Variants in RNF170 observed in about 807,000 individuals in gnomAD.
The protein encoded by RNF170 is ring finger protein 170.
In RNF170, 12 loss-of-function variants were observed where a neutral mutation model predicts 32.7. The observed-to-expected ratio is 0.37, with a 90% CI of 0.24 to 0.60. The LOEUF is 0.60. Ranked by LOEUF, RNF170 falls within the 20% of genes least tolerant of loss-of-function variation. RNF170 has a pLI of 0.72. For synonymous variants in RNF170, 91 were observed against 103.6 expected, an observed-to-expected ratio of 0.88 and a Z score of 0.74; for missense variants, 212 against 311.2, an observed-to-expected ratio of 0.68 and a Z score of 2.40.
At chr8:42,858,618 C>A (rs1301955558) in intron 6 of RNF170, among the ~76,000 whole-genome samples, 1 of 152,176 alleles carries the variant, frequency 6.6e-6, no homozygotes, top group Non-Finnish European at 1.5e-5. Flanking sequence ...GAGGGCGCCA[C>A]AGAGCAGGGA....
chr8:42,850,616 G>A (rs1802916901), downstream of RNF170: 4 of 748,352 alleles, frequency 5.3e-6, no homozygotes, highest in South Asian at 5.3e-5. Flanking sequence ...TTTTCATAGA[G>A]CTTGTGTTCT....
At chr8:42,874,944 G>A (rs561084962) in intron 2 of RNF170, among the ~76,000 whole-genome samples, 5 of 152,154 alleles carry the variant, frequency 3.3e-5, no homozygotes, top group Admixed American at 6.5e-5. Context: ...GGCCGAGGCC[G>A]GTGGATCACC....
chr8:42,858,426 C>T (rs1424547954), intron 6 of RNF170, among the ~76,000 whole-genome samples: 1 of 152,156 alleles, frequency 6.6e-6, no homozygotes, highest in East Asian at 1.9e-4. Flanking sequence ...CAATTCTTAT[C>T]TTAACAGTAA....
intron 1 of RNF170, among the ~76,000 whole-genome samples, chr8:42,890,504 C>T (rs1001022222): frequency 2.6e-5 from 4 of 151,982 alleles, no homozygotes; most frequent in Admixed American, 6.6e-5. Flanking sequence ...GTCTTGATCT[C>T]CTGACCTCGT....
downstream of RNF170, among the ~76,000 whole-genome samples, chr8:42,851,688 C>T (rs549933757): frequency 2.0e-5 from 3 of 152,278 alleles, no homozygotes; most frequent in Admixed American, 2.0e-4. Context: ...TCAGGCTGGA[C>T]TGCAGTGGTG....
chr8:42,891,990 A>C (rs941423688), intron 1 of RNF170, among the ~76,000 whole-genome samples: 1 of 152,144 alleles, frequency 6.6e-6, no homozygotes, highest in African/African-American at 2.4e-5. Flanking sequence ...TCGATATGCA[A>C]ACTGAGCTTC....
chr8:42,861,328 A>AT (rs958635111), intron 6 of RNF170: 241 of 155,352 alleles, frequency 1.6e-3, no homozygotes, highest in East Asian at 6.2e-3. Flanking sequence ...ATATAATGAG[A>AT]TTTTTTTTTT....
At chr8:42,895,053 CTT>C (rs558955488) in intron 1 of RNF170, among the ~76,000 whole-genome samples, 2 of 151,962 alleles carry the variant, frequency 1.3e-5, no homozygotes, top group Admixed American at 1.3e-4. Flanking sequence ...GTGGCTCACA[CTT>C]TTGATCCCAG....
intron 2 of RNF170, among the ~76,000 whole-genome samples, chr8:42,874,463 G>A (rs1038070897): frequency 1.2e-4 from 19 of 152,160 alleles, no homozygotes; most frequent in South Asian, 2.1e-4. Context: ...AAACTTGGCC[G>A]AGTGTGGTGG....
intron 3 of RNF170, among the ~76,000 whole-genome samples, chr8:42,873,692 A>C (rs933483690): frequency 6.6e-6 from 1 of 152,240 alleles, no homozygotes; most frequent in African/African-American, 2.4e-5. Flanking sequence ...AATAAATAAT[A>C]GGAAAACTGC....
At chr8:42,877,246 ATC>A (rs1805023471) in intron 2 of RNF170, among the ~76,000 whole-genome samples, 1 of 144,108 alleles carries the variant, frequency 6.9e-6, no homozygotes. Context: ...TTTGAGACAG[ATC>A]TCACTCTGTT....
chr8:42,888,775 C>A (rs914975696), intron 1 of RNF170, among the ~76,000 whole-genome samples: 1 of 148,814 alleles, frequency 6.7e-6, no homozygotes, highest in African/African-American at 2.5e-5. Flanking sequence ...CCCAACCTCC[C>A]CACCCCCCAA....
In RNF170 at chr8:42,855,341, A is replaced by C. The variant is rs1046922771; in HGVS notation, c.*818T>G. The C allele has an allele frequency of 9.9e-6, 8 of 807,236 alleles. No homozygotes were observed. The African/African-American group carries it at 1.5e-4, about 15-fold the overall frequency. The allele number at this position is 807,236 out of a possible 1,614,324, so 50.0% of individuals were successfully genotyped here. A position where few individuals can be genotyped will look rare whatever the true frequency, so the allele number is the denominator to read the frequency against. On this transcript the variant is annotated 3_prime_UTR_variant, in exon 7 of 7. Coordinates refer to ENST00000527424, the MANE Select transcript of RNF170 (RefSeq NM_030954.4). Reference sequence around the variant, plus strand: ...ATTCTTCTGCCTCAGCCTCCCGAGTAGCTGGGACTACAGGCGCCTGCCACC... The same window carrying C: ...ATTCTTCTGCCTCAGCCTCCCGAGTCGCTGGGACTACAGGCGCCTGCCACC...
intron 2 of RNF170, among the ~76,000 whole-genome samples, chr8:42,879,190 C>G (rs1356277911): frequency 6.6e-6 from 1 of 152,160 alleles, no homozygotes; most frequent in Admixed American, 6.6e-5. Context: ...TCTCTTAACA[C>G]AGCATCCATT....
chr8:42,876,628 C>T (rs934381408), intron 2 of RNF170, among the ~76,000 whole-genome samples: 1 of 151,454 alleles, frequency 6.6e-6, no homozygotes, highest in African/African-American at 2.4e-5. Flanking sequence ...TTTAAGCCAC[C>T]CAGTCTATGG....
At chr8:42,885,917 T>C (rs1805779719) in intron 2 of RNF170, among the ~76,000 whole-genome samples, 1 of 152,072 alleles carries the variant, frequency 6.6e-6, no homozygotes, top group Non-Finnish European at 1.5e-5. Context: ...CCACCACGCC[T>C]GCCTAATTTT....
downstream of RNF170, chr8:42,850,868 G>A (rs778687556): frequency 1.9e-5 from 29 of 1,551,482 alleles, no homozygotes; most frequent in African/African-American, 5.5e-5. Context: ...GGGAGCATTC[G>A]GTCATGGGGT....
At chr8:42,864,872 C>T (rs1047130966) in intron 5 of RNF170, among the ~76,000 whole-genome samples, 2 of 151,442 alleles carry the variant, frequency 1.3e-5, no homozygotes, top group African/African-American at 4.9e-5. Context: ...TTCACTACAA[C>T]TGTAGGATTT....
chr8:42,875,183 AAAAG>A (rs1230656002), intron 2 of RNF170, among the ~76,000 whole-genome samples: 45 of 152,186 alleles, frequency 3.0e-4, no homozygotes, highest in African/African-American at 6.5e-4. Flanking sequence ...AAAAAAAAAA[AAAAG>A]AAAGATGTGT....
Sources: gnomAD v4.1 joint callset for allele counts (sites outside exome capture counted in the v4.1 genomes callset) on GRCh38, gnomAD v4.1.1 for gene constraint, MANE v1.5 for transcripts, NCBI Gene and HGNC (gene_info 2026-07-23, HGNC 2026-07-21) for gene names.